CACNA1C: variants seen among roughly 807,000 people sequenced by gnomAD.
CACNA1C encodes the protein calcium voltage-gated channel subunit alpha1 C.
A neutral mutation model predicts 229.0 loss-of-function variants in CACNA1C; 30 were observed. That is an observed-to-expected ratio of 0.13 (90% CI 0.10 to 0.18). The LOEUF (loss-of-function observed/expected upper bound fraction) is 0.18. Among genes scored for constraint, CACNA1C ranks in the 10% least tolerant of loss-of-function variants. The pLI, the probability that CACNA1C is intolerant of heterozygous loss-of-function variation, is 1.00. For synonymous variants in CACNA1C, 1,114 were observed against 1,132.5 expected (o/e 0.98, Z 0.33); for missense variants, 1,658 against 2,845.0 (o/e 0.58, Z 9.49).
In CACNA1C at chr12:2,348,258, G is replaced by GT. The variant is rs2097106438; in HGVS notation, c.478-100717dup. On this transcript the variant is annotated intron_variant, in intron 3 of 46. Transcript: ENST00000399655. This position sits in a 1 kb window ranked among gnomAD's most constrained non-coding sequence, Gnocchi z 4.7. ...CTTCTGCTCACCGGAAGGGGGGCAG[G>GT]TCTGCAGCCCCTCCCCCACTGCAGG... Among the ~76,000 whole-genome samples, 1 of 152,212 alleles carries GT rather than the reference G, an allele frequency of 6.6e-6. No individual in the cohort carries two copies. The highest frequency in any genetic ancestry group is 1.5e-5 in the Non-Finnish European group (1 of 68,030).
intron 1 of CACNA1C, among the ~76,000 whole-genome samples, chr12:2,110,105 C>T (rs535280291): frequency 1.3e-5 from 2 of 152,356 alleles, no homozygotes; most frequent in East Asian, 3.9e-4. Context: ...GCACCAAGCC[C>T]CTCACTCACA....
At chr12:2,135,980 C>G (rs1430283374) in intron 3 of CACNA1C, among the ~76,000 whole-genome samples, 1 of 150,376 alleles carries the variant, frequency 6.6e-6, no homozygotes, top group Non-Finnish European at 1.5e-5. Flanking sequence ...GTAGGACCCT[C>G]CGAGCCAGGT....
At chr12:2,037,644 G>A (rs1268767337) in intron 1 of CACNA1C, among the ~76,000 whole-genome samples, 4 of 152,202 alleles carry the variant, frequency 2.6e-5, no homozygotes, top group Admixed American at 6.5e-5. Context: ...CATCGTACCA[G>A]TCATGGAAGG....
chr12:2,364,981 C>T (rs1447354319), intron 3 of CACNA1C, among the ~76,000 whole-genome samples: 1 of 152,218 alleles, frequency 6.6e-6, no homozygotes, highest in East Asian at 1.9e-4. Context: ...AAGCAACAGC[C>T]CCTGCCTGTG....
chr12:2,633,702 G>A lies in CACNA1C; in HGVS notation c.3829-595G>A. The A allele has an allele frequency of 1.9e-6, 3 of 1,593,706 alleles. No individual in the cohort carries two copies. Among genetic ancestry groups the A allele is most frequent in the South Asian group, 1.1e-5 (1 of 90,618 alleles). On this transcript the variant is annotated intron_variant, in intron 29 of 46. Transcript: ENST00000399655. This position sits in a 1 kb window ranked among gnomAD's most constrained non-coding sequence, Gnocchi z 5.8. ...GGCAGCATAATTGACGTCATTCTCA[G>A]TGAGACTAATGTGAGTATTACTCTG...
At chr12:2,224,577 G>A (rs77893928) in intron 3 of CACNA1C, among the ~76,000 whole-genome samples, 9,066 of 152,280 alleles carry the variant, frequency 0.06, 359 homozygotes, top group Middle Eastern at 0.11. Flanking sequence ...GAATGGGGTG[G>A]TGGGTCCAGA....
intron 3 of CACNA1C, among the ~76,000 whole-genome samples, chr12:2,191,988 GCA>G (rs1566273385): frequency 2.0e-5 from 3 of 151,098 alleles, no homozygotes; most frequent in Non-Finnish European, 4.4e-5. Flanking sequence ...GTACACGCAC[GCA>G]CACATGTATT....
chr12:2,512,682 G>C lies in CACNA1C; in HGVS notation c.1218-130G>C. ...GTGGAAAGTAGGGGCGTGTGGGCAG[G>C]TTTCTCCCTGCAAAGCAATTAAGAC... On this transcript the variant is annotated intron_variant, in intron 8 of 46. Transcript: ENST00000399655. This position sits in a 1 kb window ranked among gnomAD's most constrained non-coding sequence, Gnocchi z 4.3. 2.9e-6 allele frequency: 2 copies of C among 694,648 alleles called. No individual in the cohort carries two copies. Among genetic ancestry groups the C allele is most frequent in the Non-Finnish European group, 4.7e-6 (2 of 426,424 alleles). The allele number at this position is 694,648 out of a possible 1,614,324, so 43.0% of individuals were successfully genotyped here.
Position 2,634,291 on chromosome 12 carries a change from A to C in CACNA1C, c.3829-6A>C. The C allele has an allele frequency of 1.3e-6, 2 of 1,526,760 alleles. No homozygotes were observed. The highest frequency in any genetic ancestry group is 1.8e-6 in the Non-Finnish European group (2 of 1,132,896). 94.6% of individuals were successfully genotyped at this position (1,526,760 alleles called of 1,614,324 possible). A position where few individuals can be genotyped will look rare whatever the true frequency, so the allele number is the denominator to read the frequency against. On this transcript the variant is annotated splice_region_variant and splice_polypyrimidine_tract_variant and intron_variant, in intron 29 of 46. Coordinates refer to ENST00000399655, the MANE Select transcript of CACNA1C (RefSeq NM_000719.7). ...TCTCTCTCCCCGGCTGCTCTGCCCC[A>C]TGCAGCACTATTTCTGTGATGCATG...
At chr12:2,592,148 G>A (rs913786694) in intron 18 of CACNA1C, among the ~76,000 whole-genome samples, 2 of 152,214 alleles carry the variant, frequency 1.3e-5, no homozygotes, top group African/African-American at 2.4e-5. Flanking sequence ...AAATAGTTTC[G>A]TGTGAGTGGA....
At chr12:2,668,202 G>A (rs1025322459) in intron 37 of CACNA1C, among the ~76,000 whole-genome samples, 3 of 152,218 alleles carry the variant, frequency 2.0e-5, no homozygotes, top group African/African-American at 7.2e-5. Flanking sequence ...GGTCTTTGCT[G>A]CCAGTGGAGA....
chr12:2,214,151 C>T (rs1004715307), intron 3 of CACNA1C, among the ~76,000 whole-genome samples: 1 of 152,186 alleles, frequency 6.6e-6, no homozygotes, highest in Non-Finnish European at 1.5e-5. Flanking sequence ...GAAGAGCAGG[C>T]AGAGTCTGCT....
chr12:2,282,637 G>A (rs931870878), intron 3 of CACNA1C, among the ~76,000 whole-genome samples: 8 of 152,256 alleles, frequency 5.3e-5, no homozygotes, highest in East Asian at 1.9e-4. Context: ...CAGGTACAGC[G>A]CACCCGCCTC....
At chr12:2,463,379 A>G (rs1410987467) in intron 5 of CACNA1C, among the ~76,000 whole-genome samples, 1 of 152,238 alleles carries the variant, frequency 6.6e-6, no homozygotes, top group African/African-American at 2.4e-5. Flanking sequence ...GTTAGCCATT[A>G]TAGCAGATAC....
chr12:2,433,305 G>T (rs1185361827), intron 3 of CACNA1C, among the ~76,000 whole-genome samples: 1 of 152,200 alleles, frequency 6.6e-6, no homozygotes, highest in Non-Finnish European at 1.5e-5. Flanking sequence ...CTACTCAGGG[G>T]CAGTCCCTCT....
intron 3 of CACNA1C, among the ~76,000 whole-genome samples, chr12:2,306,020 G>A (rs150051210): frequency 2.0e-5 from 3 of 152,326 alleles, no homozygotes; most frequent in Non-Finnish European, 4.4e-5. Flanking sequence ...AAGGCACCAA[G>A]AGGTAAGGAA....
intron 1 of CACNA1C, among the ~76,000 whole-genome samples, chr12:2,013,387 C>T (rs2044768304): frequency 6.6e-6 from 1 of 152,122 alleles, no homozygotes; most frequent in African/African-American, 2.4e-5. Flanking sequence ...TACTTAGTTC[C>T]AGAACAAAAA....
At chr12:2,115,787 G>A (rs2083587528) in intron 2 of CACNA1C, among the ~76,000 whole-genome samples, 3 of 152,240 alleles carry the variant, frequency 2.0e-5, no homozygotes, top group South Asian at 4.1e-4. Flanking sequence ...AAGCTGCCTG[G>A]GTTGGGTTTT....
At chr12:2,291,513 A>C (rs2093503710) in intron 3 of CACNA1C, among the ~76,000 whole-genome samples, 1 of 152,186 alleles carries the variant, frequency 6.6e-6, no homozygotes, top group African/African-American at 2.4e-5. Flanking sequence ...CTTCAAATTG[A>C]GATGTTTGTA....
Sources: gnomAD v4.1 joint callset for allele counts (sites outside exome capture counted in the v4.1 genomes callset) on GRCh38, gnomAD v4.1.1 for gene constraint, Gnocchi (gnomAD v3.1) non-coding constraint, MANE v1.5 for transcripts, NCBI Gene and HGNC (gene_info 2026-07-23, HGNC 2026-07-21) for gene names.